APBA1: variants seen among roughly 807,000 people sequenced by gnomAD.
The protein encoded by APBA1 is amyloid beta precursor protein binding family A member 1, also known as amyloid-beta A4 precursor protein-binding family A member 1.
In APBA1, 55 loss-of-function variants were observed where a neutral mutation model predicts 86.6. The observed-to-expected ratio is 0.64, with a 90% CI of 0.51 to 0.80. The LOEUF (loss-of-function observed/expected upper bound fraction) is 0.80, where lower values mean the gene tolerates loss of function less well. Ranked by LOEUF, APBA1 falls within the 30% of genes least tolerant of loss-of-function variation. The pLI, the probability that APBA1 is intolerant of heterozygous loss-of-function variation, is 0.00. For missense variants in APBA1, 1,090 were observed against 1,183.0 expected (o/e 0.92, Z 1.15); for synonymous variants, 511 against 493.9 (o/e 1.03, Z -0.46).
chr9:69,457,232 G>T, intron 6 of APBA1, 93 bp from the exon 7 acceptor site: 1 of 919,314 alleles, frequency 1.1e-6, no homozygotes, highest in Non-Finnish European at 1.8e-6. Context: ...GAGGCACCAC[G>T]ACACAGTCAC....
intron 11 of APBA1, 104 bp from the exon 12 acceptor site, chr9:69,432,780 A>T (rs1469393344): frequency 8.5e-7 from 1 of 1,179,140 alleles, no homozygotes; most frequent in Non-Finnish European, 1.1e-6. Context: ...GCTCTTGGAG[A>T]AACTGACATG....
At chr9:69,609,911 G>A (rs995016319) in intron 1 of APBA1, among the ~76,000 whole-genome samples, 3 of 152,044 alleles carry the variant, frequency 2.0e-5, no homozygotes, top group Non-Finnish European at 2.9e-5. Context: ...TGATTCTCCC[G>A]CCCTGGTCTC....
At chr9:69,522,269 T>G (rs1012884356) in intron 1 of APBA1, among the ~76,000 whole-genome samples, 1 of 152,026 alleles carries the variant, frequency 6.6e-6, no homozygotes, top group Admixed American at 6.6e-5. Context: ...AAAGGAATTT[T>G]TAGTAACTGA....
At chr9:69,617,920 A>C (rs2133987160) in intron 1 of APBA1, among the ~76,000 whole-genome samples, 1 of 152,028 alleles carries the variant, frequency 6.6e-6, no homozygotes, top group South Asian at 2.1e-4. Context: ...GCAGTGCTAA[A>C]GTTCTGGCCT....
At chr9:69,641,104 T>C (rs1823279383) in intron 1 of APBA1, among the ~76,000 whole-genome samples, 1 of 151,860 alleles carries the variant, frequency 6.6e-6, no homozygotes, top group East Asian at 1.9e-4. Flanking sequence ...AATAACTGAG[T>C]TTAACAAGGT....
At position 69,475,935 on chromosome 9, in the gene APBA1, C is replaced by T. The variant is rs555330911; in HGVS notation, c.1296+113G>A. 6.1e-5 allele frequency: 51 copies of T among 830,596 alleles called. 1 individual carries two copies. In the African/African-American group the frequency reaches 8.2e-4, roughly 13 times the overall value. The allele number at this position is 830,596 out of a possible 1,614,324, so 51.5% of individuals were successfully genotyped here. A position where few individuals can be genotyped will look rare whatever the true frequency, so the allele number is the denominator to read the frequency against. Reference sequence around the variant, plus strand: ...GGAGAGGAGAAATCAGGATTGTTCTCACCAGGGTAATGTGGGTCAGGAGCG... The same window carrying T: ...GGAGAGGAGAAATCAGGATTGTTCTTACCAGGGTAATGTGGGTCAGGAGCG... On this transcript the variant is annotated intron_variant, in intron 3 of 12. Coordinates refer to ENST00000265381, the MANE Select transcript of APBA1 (RefSeq NM_001163.4).
At chr9:69,583,200 T>C (rs1588377192) in intron 1 of APBA1, among the ~76,000 whole-genome samples, 1 of 152,210 alleles carries the variant, frequency 6.6e-6, no homozygotes, top group African/African-American at 2.4e-5. Context: ...AAATGCTATA[T>C]AGACTGCATG....
rs1307920641 is a variant in APBA1, at chr9:69,429,947, T to TTATAA, written c.*1375_*1379dup. ...GGACCAAGTGAAAACTGGCTCAGAA[T>TTATAA]TATAATATTACTAAAACATCTACAC... On this transcript the variant is annotated 3_prime_UTR_variant, in exon 13 of 13. Transcript: ENST00000265381. The TTATAA allele has an allele frequency of 6.6e-6, 1 of 151,764 alleles. No homozygotes were observed. Among genetic ancestry groups the TTATAA allele is most frequent in the Admixed American group, 6.6e-5 (1 of 15,228 alleles). 9.4% of individuals were successfully genotyped at this position (151,764 alleles called of 1,614,324 possible).
In APBA1 at chr9:69,533,199, T is replaced by C. The variant is rs143849116; in HGVS notation, c.-69-15920A>G. Among the ~76,000 whole-genome samples, 149 of 152,288 alleles carry C rather than the reference T, an allele frequency of 9.8e-4. 1 individual carries two copies. Among genetic ancestry groups the C allele is most frequent in the African/African-American group, 3.3e-3 (138 of 41,558 alleles). On this transcript the variant is annotated intron_variant, in intron 1 of 12. Transcript: ENST00000265381. ...ATGGAGGGGACAGGATATATATGTATTAAAATCTCTGAAATGATAAGTAAG... is the reference window on the plus strand; with the variant it reads ...ATGGAGGGGACAGGATATATATGTACTAAAATCTCTGAAATGATAAGTAAG...
chr9:69,603,708 G>T (rs916819835), intron 1 of APBA1, among the ~76,000 whole-genome samples: 4 of 152,242 alleles, frequency 2.6e-5, no homozygotes, highest in African/African-American at 9.6e-5. Flanking sequence ...TAAGGCCAAA[G>T]TGTTTTGGGT....
intron 1 of APBA1, among the ~76,000 whole-genome samples, chr9:69,657,494 T>C (rs550206291): frequency 3.3e-5 from 5 of 152,336 alleles, no homozygotes; most frequent in Admixed American, 6.5e-5. Context: ...TCCAAAAACA[T>C]TGTGAAAGAC....
At chr9:69,482,867 C>G (rs929599878) in intron 2 of APBA1, among the ~76,000 whole-genome samples, 3 of 149,924 alleles carry the variant, frequency 2.0e-5, no homozygotes, top group Non-Finnish European at 4.4e-5. Flanking sequence ...AGTAAACTAT[C>G]GCAAGAACAA....
intron 2 of APBA1, among the ~76,000 whole-genome samples, chr9:69,511,186 T>C (rs1021642018): frequency 6.6e-6 from 1 of 152,172 alleles, no homozygotes; most frequent in African/African-American, 2.4e-5. Flanking sequence ...GACAAAGGGC[T>C]AATATCCAGA....
chr9:69,532,392 A>G (rs1279910488), intron 1 of APBA1, among the ~76,000 whole-genome samples: 3 of 152,224 alleles, frequency 2.0e-5, no homozygotes, highest in Non-Finnish European at 4.4e-5. Flanking sequence ...CCCAATTCTA[A>G]GACCCAATGA....
chr9:69,637,472 T>A (rs1823204078), intron 1 of APBA1, among the ~76,000 whole-genome samples: 1 of 152,192 alleles, frequency 6.6e-6, no homozygotes, highest in African/African-American at 2.4e-5. Flanking sequence ...TATCAAAATA[T>A]CTCATGTACC....
chr9:69,526,320 A>G (rs75499806), intron 1 of APBA1, among the ~76,000 whole-genome samples: 6,537 of 152,208 alleles, frequency 0.043, 166 homozygotes, highest in Non-Finnish European at 0.065. Flanking sequence ...TGCAAACTAT[A>G]CATCTGATAA....
At chr9:69,603,268 A>G (rs1822391162) in intron 1 of APBA1, among the ~76,000 whole-genome samples, 1 of 152,264 alleles carries the variant, frequency 6.6e-6, no homozygotes, top group Non-Finnish European at 1.5e-5. Flanking sequence ...ATGGCAGGTT[A>G]CAACCAAAAC....
rs1331038457 is a variant in APBA1, at chr9:69,481,786, G to T, written c.1201-5643C>A. ...ACCAAAACAGAGATATAGATCAATG[G>T]AACAGAACAGAGCCCTCAGAAATAA... On this transcript the variant is annotated intron_variant, in intron 2 of 12. Coordinates refer to ENST00000265381, the MANE Select transcript of APBA1 (RefSeq NM_001163.4). Among the ~76,000 whole-genome samples the T allele has an allele frequency of 4.6e-5, 7 of 151,586 alleles. No homozygotes were observed. In the East Asian group the frequency reaches 1.4e-3, roughly 29 times the overall value.
At chr9:69,659,080 C>T (rs1053338156) in intron 1 of APBA1, among the ~76,000 whole-genome samples, 3 of 152,194 alleles carry the variant, frequency 2.0e-5, no homozygotes, top group Non-Finnish European at 4.4e-5. Context: ...CACATATACA[C>T]ACAAACCCTC....
Sources: allele counts gnomAD v4.1 joint callset (sites outside exome capture counted in the v4.1 genomes callset), GRCh38; gene constraint gnomAD v4.1.1; transcripts MANE v1.5; gene names NCBI Gene and HGNC (gene_info 2026-07-23, HGNC 2026-07-21).